The following HNRNPLL variants were observed in gnomAD, a reference collection of about 807,000 sequenced individuals.
The protein encoded by HNRNPLL is heterogeneous nuclear ribonucleoprotein L-like.
Under a neutral mutation model 67.1 loss-of-function variants are expected in HNRNPLL, and 25 were observed. The ratio of observed to expected loss-of-function variants is 0.37; its 90% CI spans 0.27 to 0.52. The LOEUF (loss-of-function observed/expected upper bound fraction) is 0.52, where lower values mean the gene tolerates loss of function less well. Among genes scored for constraint, HNRNPLL ranks in the 20% least tolerant of loss-of-function variants. The pLI is 0.90. For missense variants in HNRNPLL, 542 were observed against 673.9 expected (o/e 0.80, Z 2.17); for synonymous variants, 267 against 241.7 (o/e 1.10, Z -0.97).
chr2:38,598,458 G>C (rs368017961), intron 1 of HNRNPLL, among the ~76,000 whole-genome samples: 1 of 152,084 alleles, frequency 6.6e-6, no homozygotes, highest in Non-Finnish European at 1.5e-5. Flanking sequence ...CTTCTACCCC[G>C]CTCCCTTTTT....
At position 38,575,203 on chromosome 2, in the gene HNRNPLL, A is replaced by G. The variant is rs117773651; in HGVS notation, c.875-1776T>C. Among the ~76,000 whole-genome samples the G allele has an allele frequency of 4.7e-4, 71 of 151,914 alleles. 4 individuals carry two copies. In the East Asian group the frequency reaches 0.014, roughly 29 times the overall value. On this transcript the variant is annotated intron_variant, in intron 7 of 12. Transcript: ENST00000449105. Reference sequence around the variant, plus strand: ...ATCATTATTAAATTATCTTATCTATACTACTTAAAGTATTACCTATATTAT... The same window carrying G: ...ATCATTATTAAATTATCTTATCTATGCTACTTAAAGTATTACCTATATTAT...
In HNRNPLL at chr2:38,564,109, A is replaced by AT. The variant is rs567988986; in HGVS notation, c.*72dup. The AT allele has an allele frequency of 2.2e-3, 1,987 of 894,280 alleles. 1 individual carries two copies. The highest frequency in any genetic ancestry group is 7.2e-3 in the Middle Eastern group (33 of 4,598). 55.4% of individuals were successfully genotyped at this position (894,280 alleles called of 1,614,324 possible). ...GGCAACATGAGATCAACCATTTTAG[A>AT]TTTTTTTTTAATGAAGTGTAGCTTT... On this transcript the variant is annotated 3_prime_UTR_variant, in exon 13 of 13. Transcript: ENST00000449105.
At chr2:38,579,253 T>C (rs1666424184) in intron 6 of HNRNPLL, among the ~76,000 whole-genome samples, 1 of 151,750 alleles carries the variant, frequency 6.6e-6, no homozygotes, top group Non-Finnish European at 1.5e-5. Context: ...GGAGTTAGAG[T>C]AGATTATCTT....
chr2:38,580,000 T>TAG (rs1275199573), intron 6 of HNRNPLL, among the ~76,000 whole-genome samples: 1 of 152,192 alleles, frequency 6.6e-6, no homozygotes, highest in East Asian at 1.9e-4. Flanking sequence ...TTTCTAAACT[T>TAG]ATCTGACTAG....
intron 6 of HNRNPLL, 175 bp downstream of exon 6, chr2:38,581,737 AG>A (rs1413064800): frequency 1.6e-6 from 1 of 623,170 alleles, no homozygotes; most frequent in Non-Finnish European, 2.8e-6. Flanking sequence ...ACATACCAGT[AG>A]GGGGCACTAA....
chr2:38,565,252 G>A (rs902134891), intron 12 of HNRNPLL, among the ~76,000 whole-genome samples: 3 of 152,096 alleles, frequency 2.0e-5, no homozygotes, highest in African/African-American at 7.2e-5. Flanking sequence ...ACACTGCAGA[G>A]GATAAAAACA....
At chr2:38,581,841 A>T in intron 6 of HNRNPLL, 72 bp downstream of exon 6, 2 of 982,696 alleles carry the variant, frequency 2.0e-6, no homozygotes, top group Non-Finnish European at 3.2e-6. Context: ...TCATCTCAGG[A>T]AAAAAGAATC....
chr2:38,567,937 T>G (rs111475285), intron 12 of HNRNPLL: 121 of 306,200 alleles, frequency 4.0e-4, no homozygotes, highest in Non-Finnish European at 6.7e-4. Context: ...TAAGCCCGAA[T>G]TGCCCAGCTG....
intron 8 of HNRNPLL, among the ~76,000 whole-genome samples, chr2:38,571,419 G>A (rs1221883616): frequency 6.6e-6 from 1 of 152,102 alleles, no homozygotes; most frequent in Non-Finnish European, 1.5e-5. Flanking sequence ...CACCTTCAAC[G>A]TAGTATTTCC....
At position 38,573,287 on chromosome 2, in the gene HNRNPLL, C is replaced by T; in HGVS notation, c.1015G>A (p.Val339Ile). The T allele has an allele frequency of 6.2e-7, 1 of 1,611,784 alleles. No homozygotes were observed. Among genetic ancestry groups the T allele is most frequent in the Middle Eastern group, 1.7e-4 (1 of 6,044 alleles). The part of the protein sequence containing the change: ...GGNPSGSVVM[V>I]SGLHQLKMNC... ...ATTTTTAGTTGATGTAATCCACTAA[C>T]CATTACAACTGAACCAGAGGGATTT... Residue 339 changes from valine to isoleucine, a missense_variant, in exon 8 of 13, where the codon GTT becomes ATT. Physicochemically the swap from Val to Ile is conservative, Grantham distance 29 (BLOSUM62 3). This residue lies in a region of HNRNPLL where 415 missense variants were observed against 575.2 expected (regional missense o/e 0.72). Coordinates refer to ENST00000449105, the MANE Select transcript of HNRNPLL (RefSeq NM_138394.4).
At chr2:38,595,154 C>T (rs1667122887) in intron 1 of HNRNPLL, among the ~76,000 whole-genome samples, 1 of 150,808 alleles carries the variant, frequency 6.6e-6, no homozygotes, top group Non-Finnish European at 1.5e-5. Context: ...GTGGGGTACG[C>T]CTGTAGTCCC....
chr2:38,592,905 ATTTC>A (rs1208658304), intron 1 of HNRNPLL, among the ~76,000 whole-genome samples: 3 of 152,200 alleles, frequency 2.0e-5, no homozygotes, highest in African/African-American at 7.2e-5. Flanking sequence ...AGAAAATTAA[ATTTC>A]TTTAAGGCTA....
At position 38,602,723 on chromosome 2, in the gene HNRNPLL, T is replaced by A; in HGVS notation, c.-97A>T. On this transcript the variant is annotated 5_prime_UTR_variant, in exon 1 of 13. Coordinates refer to ENST00000449105, the MANE Select transcript of HNRNPLL (RefSeq NM_138394.4). Reference sequence around the variant, plus strand: ...GCCAGTCCTCGCCGCCGGCAGCGCCTCTTCTGCGAGGGTCTCCGCGGCCCG... The same window carrying A: ...GCCAGTCCTCGCCGCCGGCAGCGCCACTTCTGCGAGGGTCTCCGCGGCCCG... The A allele has an allele frequency of 6.9e-7, 1 of 1,447,578 alleles. No homozygotes were observed. Among genetic ancestry groups the A allele is most frequent in the Non-Finnish European group, 9.1e-7 (1 of 1,101,776 alleles). 89.7% of individuals were successfully genotyped at this position (1,447,578 alleles called of 1,614,324 possible).
At chr2:38,596,766 T>C (rs1210254714) in intron 1 of HNRNPLL, among the ~76,000 whole-genome samples, 1 of 152,192 alleles carries the variant, frequency 6.6e-6, no homozygotes, top group Non-Finnish European at 1.5e-5. Flanking sequence ...GATGTTTAGT[T>C]ACCTAGGCTC....
chr2:38,580,473 T>C (rs570330041), intron 6 of HNRNPLL, among the ~76,000 whole-genome samples: 2 of 152,300 alleles, frequency 1.3e-5, no homozygotes, highest in Admixed American at 6.5e-5. Flanking sequence ...AATCATCACA[T>C]TGTCTTTTTC....
chr2:38,602,535 T>G lies in HNRNPLL; in HGVS notation c.92A>C (p.Glu31Ala). 1 of 1,557,614 alleles carries G rather than the reference T, an allele frequency of 6.4e-7. No individual in the cohort carries two copies. The highest frequency in any genetic ancestry group is 1.2e-5 in the South Asian group (1 of 84,738). The change falls in exon 1 of 13, where the codon GAG becomes GCG. Residue 31 changes from glutamate to alanine, a missense_variant. Physicochemically the swap from Glu to Ala is moderately radical, Grantham distance 107. Coordinates refer to ENST00000449105, the MANE Select transcript of HNRNPLL (RefSeq NM_138394.4). ...QAKRLKTEEG[E>A]IDYSAEEGEN... Reference sequence around the variant, plus strand: ...GCCTTCCTCGGCCGAGTAGTCGATCTCCCCCTCCTCGGTCTTGAGACGCTT... The same window carrying G: ...GCCTTCCTCGGCCGAGTAGTCGATCGCCCCCTCCTCGGTCTTGAGACGCTT...
At chr2:38,587,539 G>C (rs1021539397) in intron 2 of HNRNPLL, among the ~76,000 whole-genome samples, 2 of 152,078 alleles carry the variant, frequency 1.3e-5, no homozygotes, top group African/African-American at 4.8e-5. Context: ...TAAATCCCAG[G>C]AGACATTCCT....
chr2:38,593,900 C>A (rs936182643), intron 1 of HNRNPLL, among the ~76,000 whole-genome samples: 1 of 148,880 alleles, frequency 6.7e-6, no homozygotes, highest in Non-Finnish European at 1.5e-5. Flanking sequence ...GCTGGCCGGG[C>A]ACAGTGGCTT....
chr2:38,588,271 T>A (rs1020412149), intron 2 of HNRNPLL, among the ~76,000 whole-genome samples: 1 of 152,050 alleles, frequency 6.6e-6, no homozygotes, highest in African/African-American at 2.4e-5. Flanking sequence ...GTGAGCTGGC[T>A]AGGCACGGTG....
Sources: gnomAD v4.1 joint callset for allele counts (sites outside exome capture counted in the v4.1 genomes callset) on GRCh38, gnomAD v4.1.1 for gene constraint, gnomAD v4.1.1 regional missense constraint, MANE v1.5 for transcripts, NCBI Gene and HGNC (gene_info 2026-07-23, HGNC 2026-07-21) for gene names.